KDM4C: variants seen among roughly 807,000 people sequenced by gnomAD.
The protein encoded by KDM4C is lysine-specific demethylase 4C.
In KDM4C, 81 loss-of-function variants were observed where a neutral mutation model predicts 129.3. The ratio of observed to expected loss-of-function variants is 0.63; its 90% CI spans 0.52 to 0.75. The LOEUF (loss-of-function observed/expected upper bound fraction) is 0.75. Ranked by LOEUF, KDM4C falls within the 30% of genes least tolerant of loss-of-function variation. The probability of loss-of-function intolerance (pLI) is 0.00; values close to 1 mark genes in which losing one functional copy is unlikely to be tolerated. For synonymous variants in KDM4C, 573 were observed against 456.1 expected (o/e 1.26, Z -3.26); for missense variants, 1,457 against 1,304.0 (o/e 1.12, Z -1.81).
chr9:6,878,441 G>C (rs1040060617), intron 5 of KDM4C, among the ~76,000 whole-genome samples: 1 of 152,164 alleles, frequency 6.6e-6, no homozygotes, highest in African/African-American at 2.4e-5. Flanking sequence ...GGAAATACTT[G>C]TAGAAAATAA....
intron 1 of KDM4C, among the ~76,000 whole-genome samples, chr9:6,792,666 C>T (rs1249970452): frequency 3.3e-5 from 5 of 152,094 alleles, no homozygotes; most frequent in Non-Finnish European, 5.9e-5. Flanking sequence ...AGATTACAGG[C>T]GTGAGCCACC....
intron 15 of KDM4C, among the ~76,000 whole-genome samples, chr9:7,043,006 C>G (rs1236669844): frequency 1.3e-5 from 2 of 152,136 alleles, no homozygotes; most frequent in East Asian, 3.9e-4. Context: ...AAAGTCTAAA[C>G]TAGTAAATAT....
At chr9:6,780,855 G>A (rs1174906813) in intron 1 of KDM4C, among the ~76,000 whole-genome samples, 1 of 150,342 alleles carries the variant, frequency 6.7e-6, no homozygotes, top group Middle Eastern at 3.5e-3. Flanking sequence ...CCAGAATGCA[G>A]TCTCTTGAAG....
chr9:6,807,047 C>G (rs62568040), intron 3 of KDM4C, among the ~76,000 whole-genome samples: 1 of 152,086 alleles, frequency 6.6e-6, no homozygotes, highest in Admixed American at 6.5e-5. Flanking sequence ...TGCAGGCACG[C>G]GCCGCCACGC....
At chr9:7,117,877 G>A (rs552449447) in intron 18 of KDM4C, among the ~76,000 whole-genome samples, 1 of 152,244 alleles carries the variant, frequency 6.6e-6, no homozygotes, top group East Asian at 1.9e-4. Flanking sequence ...GCTTAGCAGT[G>A]GCCCACTACC....
intron 17 of KDM4C, among the ~76,000 whole-genome samples, chr9:7,066,480 G>A (rs115036156): frequency 1.3e-5 from 2 of 152,152 alleles, no homozygotes; most frequent in Non-Finnish European, 2.9e-5. Flanking sequence ...TATTTACATA[G>A]TATAGATCAT....
intron 17 of KDM4C, among the ~76,000 whole-genome samples, chr9:7,052,910 T>TAGATTGTTGTACAGTGGGGTGCTTTA (rs1554718570): frequency 7.9e-6 from 1 of 126,716 alleles, no homozygotes. Flanking sequence ...AGCGAGCGAG[T>TAGATTGTTGTACAGTGGGGTGCTTTA]GCCCAAGGGA....
chr9:6,836,453 T>A (rs1177333081), intron 4 of KDM4C, among the ~76,000 whole-genome samples: 1 of 152,186 alleles, frequency 6.6e-6, no homozygotes, highest in Admixed American at 6.5e-5. Flanking sequence ...TTTTAAAGCA[T>A]AATGATTTTG....
Position 7,137,637 on chromosome 9 carries a change from C to G in KDM4C, c.2781+9401C>G, listed in dbSNP as rs918161012. 2.6e-5 allele frequency among the ~76,000 whole-genome samples: 4 copies of G among 152,342 alleles called. No individual in the cohort carries two copies. The East Asian group carries it at 5.8e-4, about 22-fold the overall frequency. On this transcript the variant is annotated intron_variant, in intron 19 of 21. Coordinates refer to ENST00000381309, the MANE Select transcript of KDM4C (RefSeq NM_015061.6). Reference sequence around the variant, plus strand: ...TGAAATTTTCCAGAGCTGACCTTTCCTGTAGCGCATTTGTAAGCACAGCTT... The same window carrying G: ...TGAAATTTTCCAGAGCTGACCTTTCGTGTAGCGCATTTGTAAGCACAGCTT...
At chr9:6,785,629 G>GC (rs1564000033) in intron 1 of KDM4C, among the ~76,000 whole-genome samples, 1 of 152,200 alleles carries the variant, frequency 6.6e-6, no homozygotes, top group Non-Finnish European at 1.5e-5. Context: ...GAGCCACTGC[G>GC]CCTGGCTTCT....
chr9:7,006,157 G>T (rs1486523212), intron 12 of KDM4C, among the ~76,000 whole-genome samples: 4 of 152,148 alleles, frequency 2.6e-5, no homozygotes, highest in African/African-American at 9.7e-5. Flanking sequence ...TTAATCTGCA[G>T]GAATACTGCA....
chr9:6,867,684 T>C (rs1290577327), intron 5 of KDM4C, among the ~76,000 whole-genome samples: 1 of 152,238 alleles, frequency 6.6e-6, no homozygotes, highest in African/African-American at 2.4e-5. Flanking sequence ...TATATGTTTT[T>C]CCAATTTCTT....
intron 18 of KDM4C, among the ~76,000 whole-genome samples, chr9:7,111,264 C>T (rs1006235733): frequency 6.6e-6 from 1 of 152,046 alleles, no homozygotes; most frequent in African/African-American, 2.4e-5. Flanking sequence ...CCAAAATGCT[C>T]CAAAATCTGA....
At chr9:6,895,416 A>G (rs1816244742) in intron 8 of KDM4C, among the ~76,000 whole-genome samples, 1 of 152,240 alleles carries the variant, frequency 6.6e-6, no homozygotes, top group Non-Finnish European at 1.5e-5. Context: ...CTTTTCTCCT[A>G]GAAGCCTCTC....
intron 15 of KDM4C, among the ~76,000 whole-genome samples, chr9:7,029,072 T>A (rs188568713): frequency 6.6e-6 from 1 of 152,304 alleles, no homozygotes; most frequent in Admixed American, 6.5e-5. Flanking sequence ...AAATTTGGTG[T>A]TCCTCCAGAG....
chr9:6,890,726 G>C (rs1219244520), intron 7 of KDM4C, among the ~76,000 whole-genome samples: 5 of 151,970 alleles, frequency 3.3e-5, no homozygotes, highest in Middle Eastern at 3.2e-3. Context: ...TAGTTTTCTT[G>C]TTCCAGTGGC....
intron 5 of KDM4C, among the ~76,000 whole-genome samples, chr9:6,867,368 A>G (rs957501077): frequency 1.2e-4 from 18 of 152,186 alleles, no homozygotes; most frequent in Admixed American, 2.6e-4. Flanking sequence ...GAGTGAATCC[A>G]GCTTGCTTCT....
intron 21 of KDM4C, 168 bp downstream of exon 21, chr9:7,170,058 A>G (rs751798897): frequency 1.3e-6 from 2 of 1,509,570 alleles, no homozygotes. Context: ...CTTCAAATTC[A>G]ACCAAAATCG....
intron 17 of KDM4C, among the ~76,000 whole-genome samples, chr9:7,062,189 C>G (rs757718109): frequency 6.6e-6 from 1 of 152,108 alleles, no homozygotes; most frequent in African/African-American, 2.4e-5. Flanking sequence ...AGGATGGTCT[C>G]GACCTCCTGA....
Sources: allele counts gnomAD v4.1 joint callset (sites outside exome capture counted in the v4.1 genomes callset), GRCh38; gene constraint gnomAD v4.1.1; transcripts MANE v1.5; gene names NCBI Gene and HGNC (gene_info 2026-07-23, HGNC 2026-07-21).